The following NKAIN2 variants were observed in gnomAD, a reference collection of about 807,000 sequenced individuals.
The protein encoded by NKAIN2 is sodium/potassium-transporting ATPase subunit beta-1-interacting protein 2.
In NKAIN2, 14 loss-of-function variants were observed where a neutral mutation model predicts 32.6. That is an observed-to-expected ratio of 0.43 (90% CI 0.28 to 0.67). The LOEUF (loss-of-function observed/expected upper bound fraction) is 0.67, where lower values mean the gene tolerates loss of function less well. Among genes scored for constraint, NKAIN2 ranks in the 30% least tolerant of loss-of-function variants. NKAIN2 has a pLI of 0.17. For missense variants in NKAIN2, 198 were observed against 258.3 expected (o/e 0.77, Z 1.60); for synonymous variants, 80 against 87.2 (o/e 0.92, Z 0.46).
intron 1 of NKAIN2, among the ~76,000 whole-genome samples, chr6:124,210,732 T>C (rs1791129466): frequency 6.6e-6 from 1 of 150,502 alleles, no homozygotes; most frequent in Non-Finnish European, 1.5e-5. Context: ...TTGTTTTTTG[T>C]TTTTTTTCAG....
chr6:124,289,912 G>T (rs1795722680), intron 2 of NKAIN2, among the ~76,000 whole-genome samples: 1 of 152,150 alleles, frequency 6.6e-6, no homozygotes, highest in Non-Finnish European at 1.5e-5. Flanking sequence ...ACAAATGCAT[G>T]CTTTCTGTGT....
chr6:124,441,559 C>A (rs2114596825), intron 3 of NKAIN2, among the ~76,000 whole-genome samples: 1 of 152,142 alleles, frequency 6.6e-6, no homozygotes, highest in South Asian at 2.1e-4. Context: ...AAAAGGTCCA[C>A]ATGGAGGAGT....
chr6:124,436,530 A>G (rs1775451633), intron 3 of NKAIN2, among the ~76,000 whole-genome samples: 1 of 152,202 alleles, frequency 6.6e-6, no homozygotes, highest in Non-Finnish European at 1.5e-5. Flanking sequence ...CTTTGAGAAC[A>G]TAGAAACGTA....
chr6:123,906,802 C>T (rs1562250538), intron 1 of NKAIN2, among the ~76,000 whole-genome samples: 1 of 152,098 alleles, frequency 6.6e-6, no homozygotes, highest in African/African-American at 2.4e-5. Context: ...AACTACTTGA[C>T]AATAACATCT....
chr6:123,957,735 G>A (rs1235042198), intron 1 of NKAIN2, among the ~76,000 whole-genome samples: 1 of 152,094 alleles, frequency 6.6e-6, no homozygotes, highest in Non-Finnish European at 1.5e-5. Context: ...GAAGAGGTGT[G>A]TCTTTATTAT....
At chr6:124,148,763 T>C (rs1029241074) in intron 1 of NKAIN2, among the ~76,000 whole-genome samples, 34 of 152,326 alleles carry the variant, frequency 2.2e-4, no homozygotes, top group African/African-American at 7.5e-4. Flanking sequence ...CCATCATGAA[T>C]AATTTTTCTA....
intron 1 of NKAIN2, among the ~76,000 whole-genome samples, chr6:123,833,726 T>TGTGTG (rs1554211809): frequency 1.3e-5 from 2 of 150,120 alleles, no homozygotes; most frequent in African/African-American, 4.9e-5. Flanking sequence ...TGTGTGTGTG[T>TGTGTG]TTCCTGTGGA....
intron 3 of NKAIN2, among the ~76,000 whole-genome samples, chr6:124,598,032 A>G (rs1054045606): frequency 1.8e-4 from 28 of 152,320 alleles, no homozygotes; most frequent in African/African-American, 6.5e-4. Context: ...TTCTTAAAAC[A>G]TCTAACTTTG....
intron 1 of NKAIN2, among the ~76,000 whole-genome samples, chr6:123,935,132 A>C (rs1776439189): frequency 1.4e-5 from 2 of 147,610 alleles, no homozygotes; most frequent in Admixed American, 1.4e-4. Context: ...TGTTAAATAT[A>C]TATTTATTGA....
chr6:123,962,196 T>A (rs1174455174), intron 1 of NKAIN2, among the ~76,000 whole-genome samples: 1 of 152,220 alleles, frequency 6.6e-6, no homozygotes, highest in Non-Finnish European at 1.5e-5. Context: ...TTTCAAATCC[T>A]ATTTACTCTG....
intron 2 of NKAIN2, among the ~76,000 whole-genome samples, chr6:124,348,412 GT>G (rs1459271151): frequency 1.3e-5 from 2 of 152,206 alleles, no homozygotes; most frequent in Non-Finnish European, 2.9e-5. Context: ...CTGTCTTTTT[GT>G]TTGTCTGTGT....
In NKAIN2 at chr6:124,518,605, C is replaced by T. The variant is rs548658745; in HGVS notation, c.274-139581C>T. 7.2e-5 allele frequency among the ~76,000 whole-genome samples: 11 copies of T among 152,138 alleles called. No homozygotes were observed. The South Asian group carries it at 2.3e-3, about 32-fold the overall frequency. On this transcript the variant is annotated intron_variant, in intron 3 of 6. Coordinates refer to ENST00000368417, the MANE Select transcript of NKAIN2 (RefSeq NM_001040214.3). Reference sequence around the variant, plus strand: ...CTCACTCACCATTGCAAAGATAGTACCAAGCCATGATAGGTCTACCCCCAT... The same window carrying T: ...CTCACTCACCATTGCAAAGATAGTATCAAGCCATGATAGGTCTACCCCCAT...
intron 1 of NKAIN2, among the ~76,000 whole-genome samples, chr6:123,913,761 A>C: frequency 6.6e-6 from 1 of 152,148 alleles, no homozygotes; most frequent in African/African-American, 2.4e-5. Context: ...ATTGGAGATA[A>C]TTCAGAGAAC....
At chr6:124,168,693 A>C (rs1788695845) in intron 1 of NKAIN2, among the ~76,000 whole-genome samples, 1 of 152,090 alleles carries the variant, frequency 6.6e-6, no homozygotes, top group Non-Finnish European at 1.5e-5. Context: ...TTGTGAAATT[A>C]GCTCTAATAC....
At chr6:124,505,005 G>T (rs573279120) in intron 3 of NKAIN2, among the ~76,000 whole-genome samples, 1 of 152,142 alleles carries the variant, frequency 6.6e-6, no homozygotes, top group Non-Finnish European at 1.5e-5. Flanking sequence ...GTTGCTGAAG[G>T]ACTGCTTTCC....
At chr6:123,806,734 T>G (rs1399306647) in intron 1 of NKAIN2, among the ~76,000 whole-genome samples, 1 of 152,032 alleles carries the variant, frequency 6.6e-6, no homozygotes, top group Non-Finnish European at 1.5e-5. Flanking sequence ...TGTGTTCTTG[T>G]AACATTTGGG....
At chr6:123,858,177 G>A (rs557463226) in intron 1 of NKAIN2, among the ~76,000 whole-genome samples, 16 of 151,500 alleles carry the variant, frequency 1.1e-4, no homozygotes, top group East Asian at 7.8e-4. Flanking sequence ...GTGCAGTGGC[G>A]TGATCTCAGC....
At position 124,765,334 on chromosome 6, in the gene NKAIN2, A is replaced by G. The variant is rs1583821910; in HGVS notation, c.475-26005A>G. Among the ~76,000 whole-genome samples the G allele has an allele frequency of 2.0e-5, 3 of 152,332 alleles. No homozygotes were observed. In the South Asian group the frequency reaches 6.2e-4, roughly 32 times the overall value. ...GACCAGGTTTTCCAACAATATTTAAAGCCTCCCTTAGTGATTTCACTGCAT... is the reference window on the plus strand; with the variant it reads ...GACCAGGTTTTCCAACAATATTTAAGGCCTCCCTTAGTGATTTCACTGCAT... On this transcript the variant is annotated intron_variant, in intron 4 of 6. Coordinates refer to ENST00000368417, the MANE Select transcript of NKAIN2 (RefSeq NM_001040214.3).
intron 2 of NKAIN2, among the ~76,000 whole-genome samples, chr6:124,346,576 T>C (rs1798434368): frequency 6.6e-6 from 1 of 151,974 alleles, no homozygotes; most frequent in African/African-American, 2.4e-5. Context: ...TTGATCCCTT[T>C]ACCATTATGT....
Sources: allele counts gnomAD v4.1 joint callset (sites outside exome capture counted in the v4.1 genomes callset), GRCh38; gene constraint gnomAD v4.1.1; transcripts MANE v1.5; gene names NCBI Gene and HGNC (gene_info 2026-07-23, HGNC 2026-07-21).